KCNMA1: variants seen among roughly 807,000 people sequenced by gnomAD.
KCNMA1 encodes the protein potassium calcium-activated channel subfamily M alpha 1, also known as Calcium-activated potassium channel subunit alpha-1.
Under a neutral mutation model 140.0 loss-of-function variants are expected in KCNMA1, and 29 were observed. That is an observed-to-expected ratio of 0.21 (90% CI 0.15 to 0.28). KCNMA1 has a LOEUF of 0.28. KCNMA1 is among the 10% of genes least tolerant of loss of function. KCNMA1 has a pLI of 1.00. For missense variants in KCNMA1, 880 were observed against 1,602.2 expected (o/e 0.55, Z 7.70); for synonymous variants, 612 against 611.9 (o/e 1.00, Z 0.00).
At position 77,568,008 on chromosome 10, in the gene KCNMA1, C is replaced by T. The variant is rs564607759; in HGVS notation, c.378+69257G>A. 3.6e-3 allele frequency among the ~76,000 whole-genome samples: 541 copies of T among 152,310 alleles called. 3 individuals carry two copies. Among genetic ancestry groups the T allele is most frequent in the Non-Finnish European group, 6.7e-3 (459 of 68,028 alleles). On this transcript the variant is annotated intron_variant, in intron 1 of 27. Transcript: ENST00000286628. Reference sequence around the variant, plus strand: ...GAAGAAATGGATAAATTCCTCGACACATACACTCTCCCAAGACTAAACCAG... The same window carrying T: ...GAAGAAATGGATAAATTCCTCGACATATACACTCTCCCAAGACTAAACCAG...
chr10:77,631,699 A>G (rs751023165), intron 1 of KCNMA1, among the ~76,000 whole-genome samples: 4 of 152,216 alleles, frequency 2.6e-5, no homozygotes, highest in Non-Finnish European at 5.9e-5. Context: ...TCAGCCACCA[A>G]TGAATGTCCC....
intron 1 of KCNMA1, among the ~76,000 whole-genome samples, chr10:77,410,077 G>C (rs1566661655): frequency 6.6e-6 from 1 of 152,126 alleles, no homozygotes; most frequent in South Asian, 2.1e-4. Context: ...AAGAAGTCCT[G>C]TGCCACAAAG....
At chr10:77,238,604 A>G (rs981038885) in intron 3 of KCNMA1, among the ~76,000 whole-genome samples, 5 of 152,200 alleles carry the variant, frequency 3.3e-5, no homozygotes, top group African/African-American at 1.2e-4. Flanking sequence ...GTTAAGGGAC[A>G]CTTGATCAAG....
At chr10:76,972,997 C>T (rs1415575294) in intron 19 of KCNMA1, 3 of 152,142 alleles carry the variant, frequency 2.0e-5, no homozygotes, top group African/African-American at 7.2e-5. Context: ...TCTGTGACTA[C>T]ATGAGAGGAA....
Position 76,920,047 on chromosome 10 carries a change from TATATAC to T in KCNMA1, c.2903-5004_2903-4999del, listed in dbSNP as rs1319511649. ...ATATATATATATATATATATATATA[TATATAC>T]ACACAATATTCCTTATGTGATCATA... On this transcript the variant is annotated intron_variant, in intron 23 of 27. Transcript: ENST00000286628. Among the ~76,000 whole-genome samples, 652 of 119,458 alleles carry T rather than the reference TATATAC, an allele frequency of 5.5e-3. 42 individuals are homozygous for T. The highest frequency in any genetic ancestry group is 0.019 in the African/African-American group (511 of 26,208). The allele number at this position is 119,458 out of a possible 152,430, so 78.4% of individuals were successfully genotyped here. A position where few individuals can be genotyped will look rare whatever the true frequency, so the allele number is the denominator to read the frequency against.
intron 5 of KCNMA1, among the ~76,000 whole-genome samples, chr10:77,150,677 A>C (rs1367284465): frequency 6.6e-6 from 1 of 152,270 alleles, no homozygotes; most frequent in East Asian, 1.9e-4. Context: ...TAAATAATGC[A>C]AAACCTTACA....
chr10:76,938,491 C>A (rs139496758), intron 23 of KCNMA1, among the ~76,000 whole-genome samples: 7 of 152,292 alleles, frequency 4.6e-5, no homozygotes, highest in African/African-American at 1.7e-4. Context: ...AACCAGAGTC[C>A]TTGCATCTTC....
intron 5 of KCNMA1, among the ~76,000 whole-genome samples, chr10:77,149,688 A>C (rs997279492): frequency 1.3e-5 from 2 of 152,162 alleles, no homozygotes; most frequent in African/African-American, 4.8e-5. Context: ...CTCAGCCTGC[A>C]TCCTAACCCC....
chr10:77,024,075 A>C (rs1320696007), intron 16 of KCNMA1, among the ~76,000 whole-genome samples: 3 of 152,202 alleles, frequency 2.0e-5, no homozygotes, highest in Non-Finnish European at 1.5e-5. Flanking sequence ...GGGAACAGAG[A>C]GGTGATCTAG....
intron 14 of KCNMA1, among the ~76,000 whole-genome samples, chr10:77,068,408 T>TTAGGGAATGTCC (rs2096042456): frequency 6.6e-6 from 1 of 152,166 alleles, no homozygotes; most frequent in Non-Finnish European, 1.5e-5. Flanking sequence ...TTGGCTATGG[T>TTAGGGAATGTCC]TAGTGCTAGG....
At chr10:77,259,379 C>T (rs574927361) in intron 2 of KCNMA1, among the ~76,000 whole-genome samples, 2 of 152,090 alleles carry the variant, frequency 1.3e-5, no homozygotes, top group Non-Finnish European at 2.9e-5. Context: ...TCCAAAAGTG[C>T]AATACTATGA....
At chr10:76,965,379 G>A (rs567861741) in intron 20 of KCNMA1, among the ~76,000 whole-genome samples, 2 of 152,266 alleles carry the variant, frequency 1.3e-5, no homozygotes, top group African/African-American at 4.8e-5. Flanking sequence ...GGGGTTGAGT[G>A]GGCCTTCTAT....
chr10:77,464,127 G>C (rs115368532), intron 1 of KCNMA1, among the ~76,000 whole-genome samples: 1 of 152,194 alleles, frequency 6.6e-6, no homozygotes. Context: ...TCCTGGTCCA[G>C]CTATTGCTAT....
rs1022577923 is a variant in KCNMA1, at chr10:76,943,556, C to G, written c.2902+1217G>C. On this transcript the variant is annotated intron_variant, in intron 23 of 27. Transcript: ENST00000286628. ...AGCTCATCTGATAGAAGATTTGAAC[C>G]TGGGTCTGCCAGGGTCTGGCTGCAG... Among the ~76,000 whole-genome samples, 7 of 152,148 alleles carry G rather than the reference C, an allele frequency of 4.6e-5. No individual in the cohort carries two copies. In the South Asian group the frequency reaches 1.2e-3, roughly 27 times the overall value.
intron 2 of KCNMA1, among the ~76,000 whole-genome samples, chr10:77,253,871 G>A (rs937983108): frequency 1.6e-4 from 24 of 152,244 alleles, no homozygotes; most frequent in Admixed American, 9.8e-4. Flanking sequence ...CCTCTTTATC[G>A]TGTCAGGCTT....
At chr10:77,155,641 C>T (rs1432426448) in intron 5 of KCNMA1, among the ~76,000 whole-genome samples, 1 of 152,074 alleles carries the variant, frequency 6.6e-6, no homozygotes, top group African/African-American at 2.4e-5. Flanking sequence ...ACACAAGTGT[C>T]TTTCTTCTCA....
chr10:77,362,429 T>C (rs533839074), intron 2 of KCNMA1, among the ~76,000 whole-genome samples: 35 of 141,932 alleles, frequency 2.5e-4, no homozygotes, highest in African/African-American at 8.5e-4. Context: ...CCAGAAAGAT[T>C]TGCATTCAAA....
intron 1 of KCNMA1, among the ~76,000 whole-genome samples, chr10:77,453,404 C>T (rs1262691524): frequency 6.6e-6 from 1 of 151,490 alleles, no homozygotes; most frequent in Non-Finnish European, 1.5e-5. Context: ...CTTATCTCAC[C>T]ATTCAAAGAT....
intron 14 of KCNMA1, among the ~76,000 whole-genome samples, chr10:77,051,855 T>C (rs2095379389): frequency 1.3e-5 from 2 of 152,174 alleles, no homozygotes; most frequent in South Asian, 2.1e-4. Context: ...AGGTGGTGCA[T>C]GTAAAGTGCT....
Sources: gnomAD v4.1 joint callset for allele counts (sites outside exome capture counted in the v4.1 genomes callset) on GRCh38, gnomAD v4.1.1 for gene constraint, MANE v1.5 for transcripts, NCBI Gene and HGNC (gene_info 2026-07-23, HGNC 2026-07-21) for gene names.